The following IQANK1 variants were observed in gnomAD, a reference collection of about 807,000 sequenced individuals.
IQANK1 encodes IQ motif and ankyrin repeat containing 1.
IQANK1 carries 30 observed loss-of-function variants against 22.6 expected under a neutral mutation model. The ratio of observed to expected loss-of-function variants is 1.33; its 90% CI spans 0.99 to 1.80. The LOEUF is 1.80. Ranked by LOEUF, IQANK1 falls within the 40% of genes most tolerant of loss-of-function variation. The pLI is 0.00. For missense variants in IQANK1, 275 were observed against 235.2 expected (o/e 1.17, Z -1.11); for synonymous variants, 122 against 99.6 (o/e 1.23, Z -1.34).
chr8:143,746,903 G>A (rs1819042702), intron 3 of IQANK1, among the ~76,000 whole-genome samples: 2 of 151,504 alleles, frequency 1.3e-5, no homozygotes, highest in Admixed American at 1.3e-4. Flanking sequence ...TTTATGAGAT[G>A]GAGTCTTGCT....
intron 7 of IQANK1, among the ~76,000 whole-genome samples, chr8:143,779,237 T>A (rs548033188): frequency 3.9e-4 from 59 of 152,376 alleles, no homozygotes; most frequent in African/African-American, 1.4e-3. Flanking sequence ...TATCTACTAT[T>A]CATTCAGACA....
Position 143,774,272 on chromosome 8 carries a change from G to A in IQANK1, c.789+1790G>A, listed in dbSNP as rs1554630105. Reference sequence around the variant, plus strand: ...CCTGTCAAGAAGAAAAGAAGCCACAGGCAGGAGCAAACGTTTGTGAACCAC... The same window carrying A: ...CCTGTCAAGAAGAAAAGAAGCCACAAGCAGGAGCAAACGTTTGTGAACCAC... On this transcript the variant is annotated intron_variant, in intron 7 of 13. Transcript: ENST00000527139. This position sits in a 1 kb window ranked among gnomAD's most constrained non-coding sequence, Gnocchi z 4.2. Among the ~76,000 whole-genome samples the A allele has an allele frequency of 2.0e-5, 3 of 152,072 alleles. No individual in the cohort carries two copies. The highest frequency in any genetic ancestry group is 7.2e-5 in the African/African-American group (3 of 41,406).
intron 7 of IQANK1, among the ~76,000 whole-genome samples, chr8:143,778,179 A>C (rs1563779237): frequency 7.0e-6 from 1 of 142,480 alleles, no homozygotes; most frequent in African/African-American, 2.7e-5. Flanking sequence ...TGGGTGACAG[A>C]GTAAGACTCC....
intron 3 of IQANK1, among the ~76,000 whole-genome samples, chr8:143,762,293 G>A (rs1438234316): frequency 6.9e-6 from 1 of 145,836 alleles, no homozygotes; most frequent in Non-Finnish European, 1.5e-5. Flanking sequence ...TGGGCAACAA[G>A]AGTGAAACTC....
At chr8:143,742,164 G>A in intron 3 of IQANK1, 1 of 353,306 alleles carries the variant, frequency 2.8e-6, no homozygotes, top group Non-Finnish European at 5.6e-6. Context: ...TTTCCCAGCT[G>A]TCCGCATCAC....
chr8:143,736,372 T>C (rs1440564739), intron 2 of IQANK1, among the ~76,000 whole-genome samples: 1 of 152,112 alleles, frequency 6.6e-6, no homozygotes, highest in Non-Finnish European at 1.5e-5. Flanking sequence ...CTTGAATTCC[T>C]GACCTCAGGT....
intron 2 of IQANK1, 26 bp from the exon 3 acceptor site, chr8:143,739,833 G>A (rs1269781090): frequency 4.1e-5 from 28 of 687,292 alleles, no homozygotes; most frequent in Non-Finnish European, 7.2e-5. Flanking sequence ...CTCATCCCAA[G>A]CTCACTGACG....
intron 9 of IQANK1, 73 bp from the exon 10 acceptor site, chr8:143,789,362 GC>G: frequency 1.3e-6 from 1 of 793,778 alleles, no homozygotes; most frequent in Non-Finnish European, 1.7e-6. Context: ...GTGTCCTCAG[GC>G]CCCTGGGCCA....
chr8:143,790,303 C>T, intron 13 of IQANK1, 32 bp downstream of exon 13: 1 of 1,231,518 alleles, frequency 8.1e-7, no homozygotes. Flanking sequence ...GTACACCCCA[C>T]CCCACCTCCC....
chr8:143,765,270 T>C (rs958125254), intron 3 of IQANK1, among the ~76,000 whole-genome samples: 1 of 151,706 alleles, frequency 6.6e-6, no homozygotes, highest in Non-Finnish European at 1.5e-5. Flanking sequence ...GGTGGGAGAA[T>C]CACTTGAACC....
intron 7 of IQANK1, among the ~76,000 whole-genome samples, chr8:143,784,781 A>T (rs532912842): frequency 6.6e-6 from 1 of 152,200 alleles, no homozygotes; most frequent in Non-Finnish European, 1.5e-5. Context: ...GGTCAGATCT[A>T]GTCATTTGGC....
chr8:143,775,787 TACACACACAC>T (rs35665050), intron 7 of IQANK1, among the ~76,000 whole-genome samples: 11 of 129,504 alleles, frequency 8.5e-5, no homozygotes, highest in South Asian at 7.5e-4. Context: ...ATAGCTGTAT[TACACACACAC>T]ACACACACAC....
chr8:143,764,765 T>C (rs573343894), intron 3 of IQANK1, among the ~76,000 whole-genome samples: 1 of 152,348 alleles, frequency 6.6e-6, no homozygotes, highest in Admixed American at 6.5e-5. Flanking sequence ...AGCAGAGATA[T>C]TTTATACATT....
rs551133266 is a variant in IQANK1, at chr8:143,735,238, G to A, written c.-4-612G>A. Among the ~76,000 whole-genome samples the A allele has an allele frequency of 4.9e-4, 74 of 152,330 alleles. 1 individual carries two copies. Among genetic ancestry groups the A allele is most frequent in the African/African-American group, 1.6e-3 (68 of 41,562 alleles). ...GGGCATGGGGCACCGGGGAGGACCC[G>A]GACAGGCTGGGGCAGGCAGGAGGAG... is the stretch of plus-strand genomic sequence containing the variant. On this transcript the variant is annotated intron_variant, in intron 1 of 13. Coordinates refer to ENST00000527139, the MANE Select transcript of IQANK1 (RefSeq NM_001381874.1). This position sits in a 1 kb window ranked among gnomAD's most constrained non-coding sequence, Gnocchi z 5.2.
In IQANK1 at chr8:143,739,962, C is replaced by T. The variant is rs1049870364; in HGVS notation, c.175+14C>T. ...AGGCCCCCACAGGTGAGAGCCCGCA[C>T]GTCCCGCGCCGCTGTGGGTGACCGG... On this transcript the variant is annotated intron_variant, in intron 3 of 13. Transcript: ENST00000527139. 5.9e-6 allele frequency: 4 copies of T among 683,560 alleles called. No individual in the cohort carries two copies. The highest frequency in any genetic ancestry group is 2.1e-5 in the Admixed American group (1 of 48,166). The allele number at this position is 683,560 out of a possible 1,614,324, so 42.3% of individuals were successfully genotyped here.
intron 10 of IQANK1, 32 bp downstream of exon 10, chr8:143,789,560 T>C (rs1819975862): frequency 4.9e-6 from 6 of 1,231,972 alleles, no homozygotes; most frequent in Non-Finnish European, 6.1e-6. Flanking sequence ...GATATGCCCC[T>C]GCGTCCTCAA....
At chr8:143,762,689 G>T (rs1387345147) in intron 3 of IQANK1, among the ~76,000 whole-genome samples, 2 of 152,212 alleles carry the variant, frequency 1.3e-5, no homozygotes, top group Non-Finnish European at 2.9e-5. Context: ...ATCAGTCACT[G>T]CATAACAGGT....
At chr8:143,785,212 G>T (rs895219391) in intron 7 of IQANK1, among the ~76,000 whole-genome samples, 9 of 138,432 alleles carry the variant, frequency 6.5e-5, no homozygotes, top group Admixed American at 3.5e-4. Context: ...GCAGATTTTT[G>T]TTTATATTGC....
At chr8:143,746,757 A>G (rs1255593300) in intron 3 of IQANK1, among the ~76,000 whole-genome samples, 1 of 152,046 alleles carries the variant, frequency 6.6e-6, no homozygotes, top group Non-Finnish European at 1.5e-5. Context: ...CTATTTCTTC[A>G]TGATTTAGTC....
Sources: gnomAD v4.1 joint callset for allele counts (sites outside exome capture counted in the v4.1 genomes callset) on GRCh38, gnomAD v4.1.1 for gene constraint, Gnocchi (gnomAD v3.1) non-coding constraint, MANE v1.5 for transcripts, NCBI Gene and HGNC (gene_info 2026-07-23, HGNC 2026-07-21) for gene names.